EDF1: variants seen among roughly 807,000 people sequenced by gnomAD.
EDF1 encodes the protein endothelial differentiation related factor 1.
Under a neutral mutation model 20.8 loss-of-function variants are expected in EDF1, and 5 were observed. The ratio of observed to expected loss-of-function variants is 0.24; its 90% CI spans 0.13 to 0.51. The LOEUF is 0.51. EDF1 is among the 20% of genes least tolerant of loss of function. EDF1 has a pLI of 0.97. For missense variants in EDF1, 137 were observed against 197.8 expected (o/e 0.69, Z 1.84); for synonymous variants, 96 against 78.5 (o/e 1.22, Z -1.18).
At chr9:136,864,692 C>T (rs192033078) in intron 1 of EDF1, among the ~76,000 whole-genome samples, 592 of 152,140 alleles carry the variant, frequency 3.9e-3, no homozygotes, top group Non-Finnish European at 6.6e-3. Flanking sequence ...GACACGATCT[C>T]GGCTCACTGC....
At position 136,864,503 on chromosome 9, in the gene EDF1, A is replaced by G. The variant is rs564926889; in HGVS notation, c.79-632T>C. ...GGCCTGGTGTGGCCTTCCTCCCTGA[A>G]TCTGGTTCCTAGTAACACAGAGATG... On this transcript the variant is annotated intron_variant, in intron 1 of 4. Coordinates refer to ENST00000224073, the MANE Select transcript of EDF1 (RefSeq NM_003792.4). 2.6e-5 allele frequency among the ~76,000 whole-genome samples: 4 copies of G among 152,250 alleles called. No homozygotes were observed. The South Asian group carries it at 6.2e-4, about 24-fold the overall frequency.
In EDF1 at chr9:136,862,237, C is replaced by T. The variant is rs1369291085; in HGVS notation, c.*47G>A. On this transcript the variant is annotated 3_prime_UTR_variant, in exon 5 of 5. Coordinates refer to ENST00000224073, the MANE Select transcript of EDF1 (RefSeq NM_003792.4). The surrounding 1 kb of genome is among the most constrained non-coding windows in gnomAD (Gnocchi z 4.1). ...AACGGAACTGGCGGCCAAGGGGAAC[C>T]GGCGGAACGAGATCAGCTGGAGCGC... 11 of 1,611,406 alleles carry T rather than the reference C, an allele frequency of 6.8e-6. No homozygotes were observed. Among genetic ancestry groups the T allele is most frequent in the Admixed American group, 1.7e-5 (1 of 59,936 alleles).
rs906577009 is a variant in EDF1, at chr9:136,862,891, T to C, written c.385+15A>G. 5.2e-5 allele frequency: 84 copies of C among 1,612,764 alleles called. No homozygotes were observed. Among genetic ancestry groups the C allele is most frequent in the Non-Finnish European group, 6.6e-5 (78 of 1,180,020 alleles). The stretch of plus-strand genomic sequence containing the variant: ...CCTGTTCAGCGGACCCGGCGAAGGG[T>C]GGAGGGACACTCACCAATGGCCCGC... On this transcript the variant is annotated intron_variant, in intron 4 of 4. Coordinates refer to ENST00000224073, the MANE Select transcript of EDF1 (RefSeq NM_003792.4). The surrounding 1 kb of genome is among the most constrained non-coding windows in gnomAD (Gnocchi z 4.1).
chr9:136,862,588 C>T lies in EDF1; in HGVS notation c.386-243G>A. The T allele has an allele frequency of 6.4e-7, 1 of 1,553,564 alleles. No individual in the cohort carries two copies. The highest frequency in any genetic ancestry group is 8.6e-7 in the Non-Finnish European group (1 of 1,157,072). ...ACCGGAGCCGGGGTCCTCTGTGGAACTGGCTTCCGGCCCCATGCTGACAGG... is the reference window on the plus strand; with the variant it reads ...ACCGGAGCCGGGGTCCTCTGTGGAATTGGCTTCCGGCCCCATGCTGACAGG... On this transcript the variant is annotated intron_variant, in intron 4 of 4. Coordinates refer to ENST00000224073, the MANE Select transcript of EDF1 (RefSeq NM_003792.4). The surrounding 1 kb of genome is among the most constrained non-coding windows in gnomAD (Gnocchi z 4.1).
At position 136,863,705 on chromosome 9, in the gene EDF1, G is replaced by C; in HGVS notation, c.130+115C>G. ...CCTCCCAGGGCTCCGGCCAGCACCGGTGCAGGCAGGCACTCAGCTGACAAC... is the reference window on the plus strand; with the variant it reads ...CCTCCCAGGGCTCCGGCCAGCACCGCTGCAGGCAGGCACTCAGCTGACAAC... On this transcript the variant is annotated intron_variant, in intron 2 of 4. Transcript: ENST00000224073. The surrounding 1 kb of genome is among the most constrained non-coding windows in gnomAD (Gnocchi z 4.5). 1 of 1,355,350 alleles carries C rather than the reference G, an allele frequency of 7.4e-7. No individual in the cohort carries two copies. The highest frequency in any genetic ancestry group is 2.3e-5 in the East Asian group (1 of 43,270). The allele number at this position is 1,355,350 out of a possible 1,614,324, so 84.0% of individuals were successfully genotyped here. A position where few individuals can be genotyped will look rare whatever the true frequency, so the allele number is the denominator to read the frequency against.
Position 136,862,770 on chromosome 9 carries a change from G to A in EDF1, c.385+136C>T, listed in dbSNP as rs1469238005. 32 of 1,597,184 alleles carry A rather than the reference G, an allele frequency of 2.0e-5. 2 individuals carry two copies. The highest frequency in any genetic ancestry group is 2.3e-4 in the Middle Eastern group (1 of 4,400). ...CCCTCAGTCTGTACTACCTGGAGAA[G>A]CAAAGCTCCAGAATTCAGAGAACAG... is the stretch of plus-strand genomic sequence containing the variant. On this transcript the variant is annotated intron_variant, in intron 4 of 4. Transcript: ENST00000224073. The surrounding 1 kb of genome is among the most constrained non-coding windows in gnomAD (Gnocchi z 4.1).
At position 136,863,300 on chromosome 9, in the gene EDF1, C is replaced by G. The variant is rs150616813; in HGVS notation, c.279G>C (p.Lys93Asn). Residue 93 changes from lysine (K) to asparagine (N), a missense_variant, in exon 3 of 5, where the codon AAG becomes AAC. Lys to Asn is a moderately conservative substitution (Grantham distance 94). Coordinates refer to ENST00000224073, the MANE Select transcript of EDF1 (RefSeq NM_003792.4). This position sits in a 1 kb window ranked among gnomAD's most constrained non-coding sequence, Gnocchi z 4.5. ...QGRQSKGLTQ[K>N]DLATKINEKP... ...GGCGCAGCCTCACCGTGGCCAGGTC[C>G]TTCTGCGTAAGCCCCTTGCTCTGCC... 1 of 1,613,092 alleles carries G rather than the reference C, an allele frequency of 6.2e-7. No homozygotes were observed. Among genetic ancestry groups the G allele is most frequent in the African/African-American group, 1.3e-5 (1 of 74,936 alleles).
At position 136,862,433 on chromosome 9, in the gene EDF1, G is replaced by C. The variant is rs111382631; in HGVS notation, c.386-88C>G. ...CCTCTTCAACATCTTCCCAGGGAAG[G>C]GGGGCCACGCCGCTCCCGTGCCTCA... On this transcript the variant is annotated intron_variant, in intron 4 of 4. Coordinates refer to ENST00000224073, the MANE Select transcript of EDF1 (RefSeq NM_003792.4). The surrounding 1 kb of genome is among the most constrained non-coding windows in gnomAD (Gnocchi z 4.1). The C allele has an allele frequency of 3.5e-5, 56 of 1,613,710 alleles. No homozygotes were observed. The highest frequency in any genetic ancestry group is 4.6e-5 in the Non-Finnish European group (54 of 1,179,968).
intron 1 of EDF1, among the ~76,000 whole-genome samples, chr9:136,865,421 G>C (rs1349238042): frequency 1.3e-5 from 2 of 151,946 alleles, no homozygotes; most frequent in Non-Finnish European, 1.5e-5. Context: ...GAGACCAGTA[G>C]AACCAAGCAG....
rs768445114 is a variant in EDF1, at chr9:136,863,327, A to T, written c.252T>A (p.Gly84=). The T allele has an allele frequency of 1.2e-6, 2 of 1,613,842 alleles. No individual in the cohort carries two copies. The highest frequency in any genetic ancestry group is 1.1e-5 in the South Asian group (1 of 91,074). Residue 84 remains glycine (G), a synonymous_variant, in exon 3 of 5, where the codon GGT becomes GGA. Transcript: ENST00000224073. The surrounding 1 kb of genome is among the most constrained non-coding windows in gnomAD (Gnocchi z 4.5). ...TCTGCGTAAGCCCCTTGCTCTGCCGACCTTGCTGGATCACCTTGCCCACCT... is the reference window on the plus strand; with the variant it reads ...TCTGCGTAAGCCCCTTGCTCTGCCGTCCTTGCTGGATCACCTTGCCCACCT... ...TLEVGKVIQQ[G]RQSKGLTQKD...
At chr9:136,866,158 C>T in intron 1 of EDF1, 23 bp downstream of exon 1, 1 of 1,585,994 alleles carries the variant, frequency 6.3e-7, no homozygotes. Flanking sequence ...CCCGGCCCGG[C>T]CGCTCCTCAG....
At position 136,864,254 on chromosome 9, in the gene EDF1, G is replaced by A. The variant is rs61022932; in HGVS notation, c.79-383C>T. On this transcript the variant is annotated intron_variant, in intron 1 of 4. Coordinates refer to ENST00000224073, the MANE Select transcript of EDF1 (RefSeq NM_003792.4). ...AGAGAACACCACTTCCTTTGCTGTT[G>A]AGAAAGACACACTAGGGATTTTTTT... is the stretch of plus-strand genomic sequence containing the variant. Among the ~76,000 whole-genome samples the A allele has an allele frequency of 8.3e-3, 1,257 of 150,808 alleles. 62 individuals are homozygous for A. The East Asian group carries it at 0.14, about 16-fold the overall frequency.
In EDF1 at chr9:136,863,570, G is replaced by A. The variant is rs1005820532; in HGVS notation, c.131-122C>T. 10 of 1,317,570 alleles carry A rather than the reference G, an allele frequency of 7.6e-6. No homozygotes were observed. The Admixed American group carries it at 9.8e-5, about 13-fold the overall frequency. 81.6% of individuals were successfully genotyped at this position (1,317,570 alleles called of 1,614,324 possible). On this transcript the variant is annotated intron_variant, in intron 2 of 4. Coordinates refer to ENST00000224073, the MANE Select transcript of EDF1 (RefSeq NM_003792.4). This position sits in a 1 kb window ranked among gnomAD's most constrained non-coding sequence, Gnocchi z 4.5. ...AACTCAAGGGGACATGGGAACCCAG[G>A]CTGTCCCAAGTTCACACACCTCAGG...
chr9:136,866,295 G>A lies in EDF1; in HGVS notation c.-37C>T, dbSNP rs762540774. 3.8e-6 allele frequency: 6 copies of A among 1,588,556 alleles called. No homozygotes were observed. In the African/African-American group the frequency reaches 5.5e-5, roughly 15 times the overall value. On this transcript the variant is annotated 5_prime_UTR_variant, in exon 1 of 5. Transcript: ENST00000224073. ...ACGAGCGTCCGTCCGGCGGCTCAGC[G>A]GCAGCTGCTAGAGACCTGGCGCGGC...
Position 136,862,790 on chromosome 9 carries a change from G to C in EDF1, c.385+116C>G, listed in dbSNP as rs1849130407. ...GAGAAGCAAAGCTCCAGAATTCAGAGAACAGGGGACCCCCAGGGCCATCTT... is the reference window on the plus strand; with the variant it reads ...GAGAAGCAAAGCTCCAGAATTCAGACAACAGGGGACCCCCAGGGCCATCTT... On this transcript the variant is annotated intron_variant, in intron 4 of 4. Coordinates refer to ENST00000224073, the MANE Select transcript of EDF1 (RefSeq NM_003792.4). This position sits in a 1 kb window ranked among gnomAD's most constrained non-coding sequence, Gnocchi z 4.1. 5 of 1,607,296 alleles carry C rather than the reference G, an allele frequency of 3.1e-6. No individual in the cohort carries two copies. Among genetic ancestry groups the C allele is most frequent in the African/African-American group, 2.7e-5 (2 of 74,910 alleles).
In EDF1 at chr9:136,862,799, AC is replaced by A. The variant is rs1186560845; in HGVS notation, c.385+106del. ...AGCTCCAGAATTCAGAGAACAGGGG[AC>A]CCCCAGGGCCATCTTCTTCCCCCGA... On this transcript the variant is annotated intron_variant, in intron 4 of 4. Coordinates refer to ENST00000224073, the MANE Select transcript of EDF1 (RefSeq NM_003792.4). This position sits in a 1 kb window ranked among gnomAD's most constrained non-coding sequence, Gnocchi z 4.1. 1.9e-6 allele frequency: 3 copies of A among 1,608,336 alleles called. No individual in the cohort carries two copies. The highest frequency in any genetic ancestry group is 2.5e-6 in the Non-Finnish European group (3 of 1,178,736).
chr9:136,862,684 G>GA lies in EDF1; in HGVS notation c.385+221dup, dbSNP rs1849128040. 1 of 1,492,536 alleles carries GA rather than the reference G, an allele frequency of 6.7e-7. No individual in the cohort carries two copies. Among genetic ancestry groups the GA allele is most frequent in the East Asian group, 2.4e-5 (1 of 41,150 alleles). 92.5% of individuals were successfully genotyped at this position (1,492,536 alleles called of 1,614,324 possible). A position where few individuals can be genotyped will look rare whatever the true frequency, so the allele number is the denominator to read the frequency against. On this transcript the variant is annotated intron_variant, in intron 4 of 4. Transcript: ENST00000224073. The surrounding 1 kb of genome is among the most constrained non-coding windows in gnomAD (Gnocchi z 4.1). ...ACAGGCTGACGGGAACTGGCAAGGGGAAGGGACTCGGACTCCACTTGCTCT... is the reference window on the plus strand; with the variant it reads ...ACAGGCTGACGGGAACTGGCAAGGGGAAAGGGACTCGGACTCCACTTGCTCT...
At chr9:136,864,385 G>A (rs149268816) in intron 1 of EDF1, among the ~76,000 whole-genome samples, 13 of 151,290 alleles carry the variant, frequency 8.6e-5, no homozygotes, top group Non-Finnish European at 1.6e-4. Flanking sequence ...TAGCTGGTAT[G>A]CGTTAGTGGA....
rs1046561071 is a variant in EDF1 at position 136,863,115 on chromosome 9, G to A, written c.292-116C>T. On this transcript the variant is annotated intron_variant, in intron 3 of 4. Coordinates refer to ENST00000224073, the MANE Select transcript of EDF1 (RefSeq NM_003792.4). This position sits in a 1 kb window ranked among gnomAD's most constrained non-coding sequence, Gnocchi z 4.5. The stretch of plus-strand genomic sequence containing the variant: ...GGGCCCCTGGGGTACGCACCCACAC[G>A]CAGCTGGGTTTTGTGCGAGAGGCAG... 7.6e-5 allele frequency: 115 copies of A among 1,522,488 alleles called. No homozygotes were observed. Among genetic ancestry groups the A allele is most frequent in the Non-Finnish European group, 9.2e-5 (102 of 1,111,570 alleles). The allele number at this position is 1,522,488 out of a possible 1,614,324, so 94.3% of individuals were successfully genotyped here.
Sources: allele counts gnomAD v4.1 joint callset (sites outside exome capture counted in the v4.1 genomes callset), GRCh38; gene constraint gnomAD v4.1.1; non-coding constraint Gnocchi (gnomAD v3.1); transcripts MANE v1.5; gene names NCBI Gene and HGNC (gene_info 2026-07-23, HGNC 2026-07-21).